C16orf96: variants seen among roughly 807,000 people sequenced by gnomAD.
C16orf96 encodes uncharacterized protein C16orf96.
Under a neutral mutation model 103.6 loss-of-function variants are expected in C16orf96, and 108 were observed. The ratio of observed to expected loss-of-function variants is 1.04; its 90% CI spans 0.89 to 1.22. The LOEUF (loss-of-function observed/expected upper bound fraction) is 1.22, where lower values mean the gene tolerates loss of function less well. Among genes scored for constraint, C16orf96 ranks in the 50% most tolerant of loss-of-function variants. C16orf96 has a pLI of 0.00. For missense variants in C16orf96, 1,586 were observed against 1,464.2 expected (o/e 1.08, Z -1.36); for synonymous variants, 566 against 593.5 (o/e 0.95, Z 0.67).
chr16:4,598,352 A>G (rs1417157284), intron 14 of C16orf96, among the ~76,000 whole-genome samples: 1 of 92,762 alleles, frequency 1.1e-5, no homozygotes, highest in Non-Finnish European at 2.8e-5. Flanking sequence ...CTTGGTCTCA[A>G]ACAAAAAAGA....
At chr16:4,584,238 A>C (rs1286223013) in intron 7 of C16orf96, among the ~76,000 whole-genome samples, 2 of 150,718 alleles carry the variant, frequency 1.3e-5, no homozygotes, top group South Asian at 2.1e-4. Flanking sequence ...CCCAGGCTGG[A>C]GTGTAGTGGC....
rs1242062507 is a variant in C16orf96 at position 4,576,232 on chromosome 16, C to T, written c.1752C>T (p.Ser584=). The T allele has an allele frequency of 1.7e-5, 26 of 1,550,676 alleles. No individual in the cohort carries two copies. Among genetic ancestry groups the T allele is most frequent in the Middle Eastern group, 1.7e-4 (1 of 6,014 alleles). ...AAAAYAAATS[S]AAQAAKVAAK... ...CAGCCTACGCCGCTGCCACATCCTC[C>T]GCTGCCCAGGCAGCCAAAGTTGCTG... is the stretch of plus-strand genomic sequence containing the variant. Residue 584 remains serine (S), a synonymous_variant, in exon 5 of 16, where the codon TCC becomes TCT. Coordinates refer to ENST00000444310, the MANE Select transcript of C16orf96 (RefSeq NM_001145011.2).
chr16:4,573,685 G>C (rs1281736642), intron 2 of C16orf96, among the ~76,000 whole-genome samples: 1 of 148,470 alleles, frequency 6.7e-6, no homozygotes, highest in Non-Finnish European at 1.5e-5. Flanking sequence ...CTGGGAAGTG[G>C]AGCTTGCAGT....
In C16orf96 at chr16:4,593,279, G is replaced by A. The variant is rs757028753; in HGVS notation, c.2830G>A (p.Ala944Thr). The A allele has an allele frequency of 6.4e-6, 10 of 1,550,872 alleles. No homozygotes were observed. The highest frequency in any genetic ancestry group is 4.8e-5 in the South Asian group (4 of 84,030). The part of the protein sequence containing the change: ...HLLSRLRPAS[A>T]NSCEYLQRQQ... Reference sequence around the variant, plus strand: ...GCTGTCCCGGCTGCGGCCAGCCAGCGCCAACAGCTGCGAGTACTTGCAGCG... The same window carrying A: ...GCTGTCCCGGCTGCGGCCAGCCAGCACCAACAGCTGCGAGTACTTGCAGCG... The change falls in exon 12 of 16, where the codon GCC becomes ACC. Residue 944 changes from alanine to threonine, a missense_variant. Physicochemically the swap from Ala to Thr is moderately conservative, Grantham distance 58. Transcript: ENST00000444310. The surrounding 1 kb of genome is among the most constrained non-coding windows in gnomAD (Gnocchi z 4.2).
At chr16:4,548,340 G>A in the C16orf96 span, among the ~76,000 whole-genome samples, 4 of 152,138 alleles carry the variant, frequency 2.6e-5, no homozygotes, top group African/African-American at 9.7e-5. Flanking sequence ...CCCAAGGCGC[G>A]CCTCTGAGAC....
At chr16:4,552,361 C>T (rs2059233354), upstream of C16orf96, among the ~76,000 whole-genome samples, 1 of 151,218 alleles carries the variant, frequency 6.6e-6, no homozygotes, top group Non-Finnish European at 1.5e-5. Context: ...ATGTGCCTGT[C>T]ATGCCAGCTA....
intron 14 of C16orf96, among the ~76,000 whole-genome samples, chr16:4,595,019 G>C (rs1000584634): frequency 1.3e-5 from 2 of 152,202 alleles, no homozygotes; most frequent in Non-Finnish European, 2.9e-5. Flanking sequence ...TGCTGTTCCC[G>C]AGATCAACAG....
chr16:4,570,693 C>T (rs1266434168), intron 1 of C16orf96, among the ~76,000 whole-genome samples: 2 of 152,116 alleles, frequency 1.3e-5, no homozygotes, highest in African/African-American at 4.8e-5. Flanking sequence ...TTATCGAACT[C>T]CTGGCCTCAT....
the C16orf96 span, among the ~76,000 whole-genome samples, chr16:4,545,697 C>G: frequency 3.3e-5 from 5 of 152,178 alleles, no homozygotes; most frequent in African/African-American, 1.2e-4. Flanking sequence ...CACCCACCTC[C>G]CACTCCTTGG....
At chr16:4,564,638 T>G (rs2059368232) in intron 1 of C16orf96, among the ~76,000 whole-genome samples, 1 of 152,098 alleles carries the variant, frequency 6.6e-6, no homozygotes. Flanking sequence ...TGGCAAAACC[T>G]TGTCTTTACT....
chr16:4,555,901 G>A (rs2059258585), upstream of C16orf96, among the ~76,000 whole-genome samples: 1 of 151,352 alleles, frequency 6.6e-6, no homozygotes. Flanking sequence ...GTCTCACTAT[G>A]TTGCCCAGGC....
chr16:4,558,430 G>A (rs185484494), intron 1 of C16orf96, among the ~76,000 whole-genome samples: 1 of 152,056 alleles, frequency 6.6e-6, no homozygotes, highest in East Asian at 1.9e-4. Flanking sequence ...CCTTGGCAGC[G>A]TAGTGAGACC....
At chr16:4,591,984 G>A (rs1430477843) in intron 10 of C16orf96, among the ~76,000 whole-genome samples, 200 bp downstream of exon 10, 1 of 152,172 alleles carries the variant, frequency 6.6e-6, no homozygotes, top group Non-Finnish European at 1.5e-5. Flanking sequence ...TGCCAATGGG[G>A]AAACCAAGGC....
At chr16:4,555,123 C>T (rs1446830998), upstream of C16orf96, among the ~76,000 whole-genome samples, 3 of 151,054 alleles carry the variant, frequency 2.0e-5, no homozygotes, top group Non-Finnish European at 2.9e-5. Flanking sequence ...ATTAGCTGGG[C>T]GTGGTGGCAG....
chr16:4,581,291 C>T (rs1221206010), intron 7 of C16orf96, among the ~76,000 whole-genome samples: 3 of 148,624 alleles, frequency 2.0e-5, no homozygotes, highest in African/African-American at 7.4e-5. Context: ...GCTGAGATTG[C>T]GCCATTGCAT....
chr16:4,563,031 C>T (rs1412063750), intron 1 of C16orf96: 9 of 959,222 alleles, frequency 9.4e-6, no homozygotes, highest in Non-Finnish European at 1.3e-5. Context: ...GCTGCTGCTC[C>T]TCTGTCAGAA....
At chr16:4,541,057 G>T in the C16orf96 span, among the ~76,000 whole-genome samples, 3 of 151,976 alleles carry the variant, frequency 2.0e-5, no homozygotes, top group Non-Finnish European at 4.4e-5. Flanking sequence ...AGGACTATAG[G>T]TACCTGCTAC....
chr16:4,540,780 A>G, the C16orf96 span, among the ~76,000 whole-genome samples: 1 of 151,720 alleles, frequency 6.6e-6, no homozygotes, highest in Non-Finnish European at 1.5e-5. Context: ...TAGGATCTTG[A>G]TCAGGCACCC....
intron 1 of C16orf96, chr16:4,560,912 G>A (rs1239995554): frequency 6.6e-6 from 1 of 152,220 alleles, no homozygotes; most frequent in Non-Finnish European, 1.5e-5. Flanking sequence ...CCAACACTTT[G>A]GGAGGCTGAG....
Sources: allele counts gnomAD v4.1 joint callset (sites outside exome capture counted in the v4.1 genomes callset), GRCh38; gene constraint gnomAD v4.1.1; non-coding constraint Gnocchi (gnomAD v3.1); transcripts MANE v1.5; gene names NCBI Gene and HGNC (gene_info 2026-07-23, HGNC 2026-07-21).